FARS2: variants seen among roughly 807,000 people sequenced by gnomAD.
The protein encoded by FARS2 is phenylalanine--tRNA ligase, mitochondrial.
In FARS2, 40 loss-of-function variants were observed where a neutral mutation model predicts 46.4. The ratio of observed to expected loss-of-function variants is 0.86; its 90% CI spans 0.67 to 1.12. The LOEUF is 1.12. Among genes scored for constraint, FARS2 ranks in the 50% most tolerant of loss-of-function variants. The pLI, the probability that FARS2 is intolerant of heterozygous loss-of-function variation, is 0.00. For synonymous variants in FARS2, 234 were observed against 214.9 expected, an observed-to-expected ratio of 1.09 and a Z score of -0.78; for missense variants, 513 against 567.9, an observed-to-expected ratio of 0.90 and a Z score of 0.98.
At chr6:5,428,357 T>G (rs1165551314) in intron 3 of FARS2, among the ~76,000 whole-genome samples, 1 of 152,182 alleles carries the variant, frequency 6.6e-6, no homozygotes, top group African/African-American at 2.4e-5. Context: ...TAGCACTTAC[T>G]TTACCACTGT....
At chr6:5,352,063 C>A (rs1360605061) in intron 1 of FARS2, among the ~76,000 whole-genome samples, 5 of 152,058 alleles carry the variant, frequency 3.3e-5, no homozygotes, top group Non-Finnish European at 7.4e-5. Context: ...AGCCTGTGGC[C>A]CAGGATGGCT....
At chr6:5,747,474 G>A (rs1245876842) in intron 6 of FARS2, among the ~76,000 whole-genome samples, 1 of 152,198 alleles carries the variant, frequency 6.6e-6, no homozygotes, top group Admixed American at 6.5e-5. Context: ...GGAGCCTGTG[G>A]GATTTGCTTC....
At chr6:5,350,690 G>A (rs912155133) in intron 1 of FARS2, among the ~76,000 whole-genome samples, 1 of 152,106 alleles carries the variant, frequency 6.6e-6, no homozygotes, top group Non-Finnish European at 1.5e-5. Flanking sequence ...AATGAATCAT[G>A]TATATATATC....
At chr6:5,269,054 C>T (rs1033946400) in intron 1 of FARS2, among the ~76,000 whole-genome samples, 2 of 152,182 alleles carry the variant, frequency 1.3e-5, no homozygotes, top group African/African-American at 4.8e-5. Context: ...TTTATTGCAG[C>T]ACTGTTCACA....
At chr6:5,604,986 C>T (rs1774746230) in intron 5 of FARS2, among the ~76,000 whole-genome samples, 1 of 152,158 alleles carries the variant, frequency 6.6e-6, no homozygotes, top group African/African-American at 2.4e-5. Flanking sequence ...TTTTCATATC[C>T]TCGGGGAGAC....
At chr6:5,323,977 CTT>C (rs1289051896) in intron 1 of FARS2, among the ~76,000 whole-genome samples, 31 of 152,228 alleles carry the variant, frequency 2.0e-4, no homozygotes, top group African/African-American at 6.5e-4. Context: ...CCCAAGATAA[CTT>C]CCCCTCCTCC....
At chr6:5,702,894 C>G (rs1237905669) in intron 6 of FARS2, among the ~76,000 whole-genome samples, 1 of 152,108 alleles carries the variant, frequency 6.6e-6, no homozygotes, top group Non-Finnish European at 1.5e-5. Context: ...TCCTGTACCC[C>G]CTGGGATGTC....
chr6:5,274,743 C>T (rs1338685294), intron 1 of FARS2, among the ~76,000 whole-genome samples: 1 of 152,044 alleles, frequency 6.6e-6, no homozygotes. Context: ...CAGGGTCTTG[C>T]TCTGTCACCC....
intron 6 of FARS2, among the ~76,000 whole-genome samples, chr6:5,691,715 C>G (rs1320304912): frequency 1.3e-5 from 2 of 152,238 alleles, no homozygotes; most frequent in Non-Finnish European, 2.9e-5. Context: ...CTCTTCAAAG[C>G]TGTCAGACAG....
At chr6:5,412,887 G>A (rs1762016407) in intron 3 of FARS2, among the ~76,000 whole-genome samples, 2 of 148,304 alleles carry the variant, frequency 1.3e-5, no homozygotes, top group Admixed American at 1.4e-4. Flanking sequence ...TACTCGCCTC[G>A]CCGTAGCTTA....
At chr6:5,650,541 T>G (rs538370720) in intron 6 of FARS2, among the ~76,000 whole-genome samples, 15 of 152,194 alleles carry the variant, frequency 9.9e-5, no homozygotes, top group African/African-American at 3.6e-4. Flanking sequence ...AGTGCAGAGG[T>G]GCGATCTCAG....
chr6:5,716,824 A>G (rs1759523007), intron 6 of FARS2, among the ~76,000 whole-genome samples: 1 of 152,224 alleles, frequency 6.6e-6, no homozygotes, highest in South Asian at 2.1e-4. Context: ...GGGGAGGGGG[A>G]ATGGAGCTTC....
chr6:5,464,976 G>C (rs1355041447), intron 4 of FARS2, among the ~76,000 whole-genome samples: 1 of 152,204 alleles, frequency 6.6e-6, no homozygotes, highest in Admixed American at 6.5e-5. Context: ...CCTTAGATAA[G>C]ATATAAGGAA....
upstream of FARS2, chr6:5,260,564 C>T: frequency 6.6e-7 from 1 of 1,506,798 alleles, no homozygotes; most frequent in East Asian, 2.5e-5. Flanking sequence ...GCTCCCAGTC[C>T]CCGGGGATAT....
chr6:5,542,535 A>G (rs777199264), intron 4 of FARS2, among the ~76,000 whole-genome samples: 1 of 152,144 alleles, frequency 6.6e-6, no homozygotes, highest in African/African-American at 2.4e-5. Context: ...CATTCCGTCC[A>G]TTATGGGATC....
At chr6:5,303,075 G>A (rs1351199021) in intron 1 of FARS2, among the ~76,000 whole-genome samples, 1 of 152,184 alleles carries the variant, frequency 6.6e-6, no homozygotes, top group Admixed American at 6.5e-5. Flanking sequence ...GAAGGAAACC[G>A]AAGTTCAAGA....
intron 5 of FARS2, among the ~76,000 whole-genome samples, chr6:5,564,286 C>T (rs1389423005): frequency 6.6e-6 from 1 of 152,110 alleles, no homozygotes; most frequent in Non-Finnish European, 1.5e-5. Context: ...CTATGAAGTT[C>T]CTTGGTTTTA....
At chr6:5,672,848 G>A (rs1351883936) in intron 6 of FARS2, among the ~76,000 whole-genome samples, 2 of 152,132 alleles carry the variant, frequency 1.3e-5, no homozygotes, top group Non-Finnish European at 2.9e-5. Context: ...TGGAGACACT[G>A]TATTTTGCCT....
chr6:5,537,546 C>CGAGTTGGAGATGTCCCGGGCCTCCTCTT lies in FARS2; in HGVS notation c.905-7614_905-7613insCTCCTCTTGAGTTGGAGATGTCCCGGGC, dbSNP rs1770290147. On this transcript the variant is annotated intron_variant, in intron 4 of 6. Coordinates refer to ENST00000274680, the MANE Select transcript of FARS2 (RefSeq NM_006567.5). Reference sequence around the variant, plus strand: ...GTTGGAGATGTCCCGGGCCTCCTCTCGAGTTGGAGATGTCCCGGGCTTCCT... The same window carrying CGAGTTGGAGATGTCCCGGGCCTCCTCTT: ...GTTGGAGATGTCCCGGGCCTCCTCTCGAGTTGGAGATGTCCCGGGCCTCCTCTTGAGTTGGAGATGTCCCGGGCTTCCT... Among the ~76,000 whole-genome samples the CGAGTTGGAGATGTCCCGGGCCTCCTCTT allele has an allele frequency of 9.5e-5, 11 of 115,742 alleles. 1 individual carries two copies. Among genetic ancestry groups the CGAGTTGGAGATGTCCCGGGCCTCCTCTT allele is most frequent in the African/African-American group, 3.1e-4 (10 of 32,426 alleles). The allele number at this position is 115,742 out of a possible 152,430, so 75.9% of individuals were successfully genotyped here.
Sources: gnomAD v4.1 joint callset for allele counts (sites outside exome capture counted in the v4.1 genomes callset) on GRCh38, gnomAD v4.1.1 for gene constraint, MANE v1.5 for transcripts, NCBI Gene and HGNC (gene_info 2026-07-23, HGNC 2026-07-21) for gene names.